The following PLXDC1 variants were observed in gnomAD, a reference collection of about 807,000 sequenced individuals.
PLXDC1 encodes plexin domain containing 1, also known as plexin domain-containing protein 1.
In PLXDC1, 39 loss-of-function variants were observed where a neutral mutation model predicts 61.3. The observed-to-expected ratio is 0.64, with a 90% CI of 0.49 to 0.83. PLXDC1 has a LOEUF of 0.83. Ranked by LOEUF, PLXDC1 falls within the 40% of genes least tolerant of loss-of-function variation. The pLI is 0.00. For synonymous variants in PLXDC1, 212 were observed against 254.5 expected (o/e 0.83, Z 1.59); for missense variants, 596 against 666.5 (o/e 0.89, Z 1.17).
At chr17:39,118,498 C>T (rs1287593772) in intron 2 of PLXDC1, among the ~76,000 whole-genome samples, 2 of 152,198 alleles carry the variant, frequency 1.3e-5, no homozygotes, top group South Asian at 4.1e-4. Context: ...GCCACCATGT[C>T]CGCCTAGTCT....
At chr17:39,114,312 G>A (rs1216593955) in intron 2 of PLXDC1, among the ~76,000 whole-genome samples, 1 of 152,166 alleles carries the variant, frequency 6.6e-6, no homozygotes, top group Non-Finnish European at 1.5e-5. Context: ...ACAGTTGTCT[G>A]CCTCAGGACC....
chr17:39,093,881 G>A (rs1161065764), intron 7 of PLXDC1, among the ~76,000 whole-genome samples: 2 of 152,150 alleles, frequency 1.3e-5, no homozygotes, highest in South Asian at 2.1e-4. Context: ...GTGGCTCTAA[G>A]AGGAGGGAAC....
chr17:39,095,381 A>ACCCCCC lies in PLXDC1; in HGVS notation c.812-7685_812-7680dup, dbSNP rs1365217059. The stretch of plus-strand genomic sequence containing the variant: ...CCTTACGCCCCGCCCCCCCCCCCCA[A>ACCCCCC]CCCCCCAAGCCTGGGTTATTTGTTT... On this transcript the variant is annotated intron_variant, in intron 7 of 13. Transcript: ENST00000315392. Among the ~76,000 whole-genome samples, 15 of 4,252 alleles carry ACCCCCC rather than the reference A, an allele frequency of 3.5e-3. 3 individuals carry two copies. Among genetic ancestry groups the ACCCCCC allele is most frequent in the Non-Finnish European group, 4.1e-3 (10 of 2,418 alleles). 2.8% of individuals were successfully genotyped at this position (4,252 alleles called of 152,430 possible).
In PLXDC1 at chr17:39,064,994, A is replaced by G. The variant is rs569831440; in HGVS notation, c.*2846T>C. On this transcript the variant is annotated 3_prime_UTR_variant, in exon 14 of 14. Coordinates refer to ENST00000315392, the MANE Select transcript of PLXDC1 (RefSeq NM_020405.5). ...TTCCATGGACAGCACCACTCATCTC[A>G]CTCCCCAACTCTAGCACACGTTTTC... 1 of 151,876 alleles carries G rather than the reference A, an allele frequency of 6.6e-6. No homozygotes were observed. Among genetic ancestry groups the G allele is most frequent in the African/African-American group, 2.4e-5 (1 of 41,360 alleles). 9.4% of individuals were successfully genotyped at this position (151,876 alleles called of 1,614,324 possible).
At chr17:39,109,422 G>C (rs771484446) in intron 2 of PLXDC1, 31 bp from the exon 3 acceptor site, 53 of 1,559,628 alleles carry the variant, frequency 3.4e-5, no homozygotes, top group Non-Finnish European at 4.4e-5. Context: ...GCCCACAGGA[G>C]GTGTGAGTAG....
At chr17:39,110,308 G>C (rs1700754520) in intron 2 of PLXDC1, among the ~76,000 whole-genome samples, 1 of 152,176 alleles carries the variant, frequency 6.6e-6, no homozygotes, top group African/African-American at 2.4e-5. Flanking sequence ...GGTGGGAAGG[G>C]GAGAGAAGCA....
At chr17:39,142,672 C>G (rs1911972125) in intron 1 of PLXDC1, among the ~76,000 whole-genome samples, 1 of 152,242 alleles carries the variant, frequency 6.6e-6, no homozygotes. Context: ...AGTTGCATGC[C>G]ACCACACCCG....
intron 2 of PLXDC1, among the ~76,000 whole-genome samples, chr17:39,136,580 G>T (rs1911758715): frequency 6.6e-6 from 1 of 152,056 alleles, no homozygotes; most frequent in African/African-American, 2.4e-5. Context: ...GTTTAGTCAT[G>T]GTTCCAAACC....
At chr17:39,146,511 T>A (rs1460012047) in intron 1 of PLXDC1, among the ~76,000 whole-genome samples, 2 of 152,000 alleles carry the variant, frequency 1.3e-5, no homozygotes, top group African/African-American at 2.4e-5. Context: ...ACCCCATCTC[T>A]ACTAAAATTT....
intron 7 of PLXDC1, among the ~76,000 whole-genome samples, chr17:39,091,072 G>A (rs1909932147): frequency 6.6e-6 from 1 of 152,140 alleles, no homozygotes; most frequent in South Asian, 2.1e-4. Context: ...TGCCCCCACA[G>A]TCCAGGCTGC....
chr17:39,147,211 C>A (rs1010900853), intron 1 of PLXDC1, among the ~76,000 whole-genome samples: 2 of 152,202 alleles, frequency 1.3e-5, no homozygotes, highest in African/African-American at 4.8e-5. Context: ...CCACCTCGAC[C>A]TCCCAAAGTG....
At chr17:39,142,119 TC>T (rs1366651425) in intron 1 of PLXDC1, among the ~76,000 whole-genome samples, 1 of 152,092 alleles carries the variant, frequency 6.6e-6, no homozygotes, top group Non-Finnish European at 1.5e-5. Context: ...ACCACGCTCC[TC>T]CCCATCCCAA....
Position 39,065,552 on chromosome 17 carries a change from C to G in PLXDC1, c.*2288G>C, listed in dbSNP as rs1021043571. Reference sequence around the variant, plus strand: ...TAGTAGCTGGGACTACAGGTGCACCCCACCACACCTGGCATTTTTGTTGTT... The same window carrying G: ...TAGTAGCTGGGACTACAGGTGCACCGCACCACACCTGGCATTTTTGTTGTT... On this transcript the variant is annotated 3_prime_UTR_variant, in exon 14 of 14. Coordinates refer to ENST00000315392, the MANE Select transcript of PLXDC1 (RefSeq NM_020405.5). 1.3e-5 allele frequency: 2 copies of G among 151,966 alleles called. No individual in the cohort carries two copies. The highest frequency in any genetic ancestry group is 4.8e-5 in the African/African-American group (2 of 41,308). The allele number at this position is 151,966 out of a possible 1,614,324, so 9.4% of individuals were successfully genotyped here.
rs1436839207 is a variant in PLXDC1, at chr17:39,117,534, C to G, written c.256-8143G>C. Among the ~76,000 whole-genome samples, 4 of 151,812 alleles carry G rather than the reference C, an allele frequency of 2.6e-5. 1 individual carries two copies. The highest frequency in any genetic ancestry group is 9.7e-5 in the African/African-American group (4 of 41,274). ...TCGCTTGAATCCAGGAGTTCAAGAC[C>G]AGCTTGGGCAACATAGTGAGACCCT... On this transcript the variant is annotated intron_variant, in intron 2 of 13. Transcript: ENST00000315392.
rs75742203 is a variant in PLXDC1, at chr17:39,115,619, G to A, written c.256-6228C>T. ...CCCTGGAGGGAGGGGGCGACTTGCA[G>A]GGGGATCACTCCTGGGCAGAGCCAA... On this transcript the variant is annotated intron_variant, in intron 2 of 13. Transcript: ENST00000315392. 2.0e-3 allele frequency among the ~76,000 whole-genome samples: 298 copies of A among 152,352 alleles called. 1 individual carries two copies. The highest frequency in any genetic ancestry group is 6.8e-3 in the African/African-American group (282 of 41,576).
intron 2 of PLXDC1, among the ~76,000 whole-genome samples, chr17:39,120,603 T>G (rs1469383612): frequency 1.6e-5 from 2 of 123,486 alleles, no homozygotes; most frequent in Non-Finnish European, 3.4e-5. Flanking sequence ...TTATTTATTT[T>G]AGGTTTTTTT....
chr17:39,093,073 G>C (rs1401177821), intron 7 of PLXDC1, among the ~76,000 whole-genome samples: 1 of 152,054 alleles, frequency 6.6e-6, no homozygotes, highest in Non-Finnish European at 1.5e-5. Flanking sequence ...TTTTTGTTTT[G>C]TTTTGTTTTG....
At chr17:39,152,914 G>A (rs989929701), upstream of PLXDC1, 10 of 368,382 alleles carry the variant, frequency 2.7e-5, no homozygotes, top group Admixed American at 4.6e-5. Context: ...TAAACCCAAT[G>A]TCCCCTTACC....
intron 7 of PLXDC1, among the ~76,000 whole-genome samples, chr17:39,098,855 C>G (rs4239221): frequency 0.61 from 92,546 of 152,026 alleles, 28,345 homozygotes; most frequent in Admixed American, 0.66. Flanking sequence ...GACCAGAGCT[C>G]CCCAGGCAGA....
Sources: gnomAD v4.1 joint callset for allele counts (sites outside exome capture counted in the v4.1 genomes callset) on GRCh38, gnomAD v4.1.1 for gene constraint, MANE v1.5 for transcripts, NCBI Gene and HGNC (gene_info 2026-07-23, HGNC 2026-07-21) for gene names.